The following CSMD1 variants were observed in gnomAD, a reference collection of about 807,000 sequenced individuals.
The protein encoded by CSMD1 is CUB and Sushi multiple domains 1.
A neutral mutation model predicts 417.5 loss-of-function variants in CSMD1; 213 were observed. The ratio of observed to expected loss-of-function variants is 0.51; its 90% CI spans 0.46 to 0.57. CSMD1 has a LOEUF of 0.57. CSMD1 is among the 20% of genes least tolerant of loss of function. The probability of loss-of-function intolerance (pLI) is 0.00; values close to 1 mark genes in which losing one functional copy is unlikely to be tolerated. For missense variants in CSMD1, 6,923 were observed against 4,529.7 expected, an observed-to-expected ratio of 1.53 and a Z score of -15.17; for synonymous variants, 2,862 against 1,736.8, an observed-to-expected ratio of 1.65 and a Z score of -16.11.
intron 52 of CSMD1, among the ~76,000 whole-genome samples, chr8:3,007,777 G>T (rs1006893825): frequency 8.0e-6 from 1 of 124,906 alleles, no homozygotes; most frequent in Non-Finnish European, 1.6e-5. Flanking sequence ...GCTGTGGGGT[G>T]GGGGGAGGGG....
chr8:4,037,872 T>C (rs997115275), intron 3 of CSMD1, among the ~76,000 whole-genome samples: 1 of 152,094 alleles, frequency 6.6e-6, no homozygotes, highest in African/African-American at 2.4e-5. Flanking sequence ...CTCGTATACA[T>C]ACGTACAATA....
intron 2 of CSMD1, among the ~76,000 whole-genome samples, chr8:4,633,987 A>G (rs1220141430): frequency 7.2e-6 from 1 of 138,722 alleles, no homozygotes; most frequent in African/African-American, 2.9e-5. Context: ...CAACCACCTG[A>G]CAGGTCATTA....
intron 2 of CSMD1, among the ~76,000 whole-genome samples, chr8:4,560,596 C>G (rs530474302): frequency 6.6e-6 from 1 of 152,218 alleles, no homozygotes; most frequent in East Asian, 1.9e-4. Context: ...ATGGCAGAGC[C>G]TCCCTGAAAG....
At chr8:4,800,111 CT>C (rs1314989207) in intron 1 of CSMD1, among the ~76,000 whole-genome samples, 1 of 152,008 alleles carries the variant, frequency 6.6e-6, no homozygotes, top group Non-Finnish European at 1.5e-5. Context: ...AAAGCGTATC[CT>C]TTTTGTTTCC....
chr8:4,162,346 G>T (rs373942819), intron 3 of CSMD1, among the ~76,000 whole-genome samples: 85 of 152,218 alleles, frequency 5.6e-4, no homozygotes, highest in African/African-American at 1.9e-3. Context: ...AAAAGTGCTT[G>T]TTTTTAGGTA....
At chr8:4,844,640 G>A (rs1308010766) in intron 1 of CSMD1, among the ~76,000 whole-genome samples, 2 of 152,040 alleles carry the variant, frequency 1.3e-5, no homozygotes, top group Middle Eastern at 3.4e-3. Flanking sequence ...AACAATCCAT[G>A]CAAAAAATAT....
At position 3,199,591 on chromosome 8, in the gene CSMD1, C is replaced by T. The variant is rs190010045; in HGVS notation, c.5194+123G>A. 522 of 436,044 alleles carry T rather than the reference C, an allele frequency of 1.2e-3. 3 individuals are homozygous for T. Among genetic ancestry groups the T allele is most frequent in the African/African-American group, 9.3e-3 (463 of 49,540 alleles). The allele number at this position is 436,044 out of a possible 1,614,324, so 27.0% of individuals were successfully genotyped here. ...TTTATTATAAACATATGAACACCTT[C>T]AGCTCCTTAAATATTACAAAAATGC... On this transcript the variant is annotated intron_variant, in intron 33 of 69. Coordinates refer to ENST00000635120, the MANE Select transcript of CSMD1 (RefSeq NM_033225.6).
intron 1 of CSMD1, among the ~76,000 whole-genome samples, chr8:4,825,245 T>G (rs778536973): frequency 6.6e-6 from 1 of 152,218 alleles, no homozygotes; most frequent in East Asian, 1.9e-4. Context: ...TTGGAGGCAT[T>G]TGAAATATGC....
intron 3 of CSMD1, among the ~76,000 whole-genome samples, chr8:4,260,976 C>G (rs886609605): frequency 1.1e-4 from 17 of 152,100 alleles, no homozygotes; most frequent in African/African-American, 4.1e-4. Context: ...TGACTTGCCT[C>G]TTTTGTAAAC....
At chr8:4,453,802 C>T (rs7831923) in intron 2 of CSMD1, among the ~76,000 whole-genome samples, 137,576 of 139,630 alleles carry the variant, frequency 0.99, 67,783 homozygotes, top group East Asian at 1. Context: ...AACAAGATTG[C>T]GCAATTCGTT....
intron 2 of CSMD1, among the ~76,000 whole-genome samples, chr8:4,444,235 G>A (rs1033191916): frequency 3.3e-5 from 5 of 151,186 alleles, no homozygotes; most frequent in Admixed American, 6.6e-5. Context: ...CCAACTACTC[G>A]GGAGGCTGAG....
intron 6 of CSMD1, among the ~76,000 whole-genome samples, chr8:3,750,985 T>C (rs1797309163): frequency 6.6e-6 from 1 of 152,150 alleles, no homozygotes; most frequent in Admixed American, 6.5e-5. Flanking sequence ...GGTCTTGTCA[T>C]CTTCCTCTCT....
Position 4,016,525 on chromosome 8 carries a change from C to A in CSMD1, c.610+15380G>T, listed in dbSNP as rs551221189. 9.2e-5 allele frequency among the ~76,000 whole-genome samples: 14 copies of A among 152,228 alleles called. No homozygotes were observed. In the South Asian group the frequency reaches 1.7e-3, roughly 18 times the overall value. ...GAGGTCCAAGGTTTTAGTGAAGGAT[C>A]TGGGGCTATGAGAAGGAAAGAGGAG... On this transcript the variant is annotated intron_variant, in intron 4 of 69. Coordinates refer to ENST00000635120, the MANE Select transcript of CSMD1 (RefSeq NM_033225.6).
At chr8:3,384,209 A>G (rs989642160) in intron 18 of CSMD1, among the ~76,000 whole-genome samples, 68 of 152,284 alleles carry the variant, frequency 4.5e-4, no homozygotes, top group African/African-American at 1.5e-3. Context: ...CATCTTTAAA[A>G]AATGGTTGTC....
intron 3 of CSMD1, among the ~76,000 whole-genome samples, chr8:4,082,959 G>A (rs13279426): frequency 0.093 from 14,093 of 151,654 alleles, 751 homozygotes; most frequent in Middle Eastern, 0.12. Flanking sequence ...ATTTTTTATG[G>A]CTGAATAGGA....
intron 49 of CSMD1, among the ~76,000 whole-genome samples, chr8:3,054,099 G>A (rs947304871): frequency 3.3e-5 from 5 of 152,122 alleles, no homozygotes; most frequent in Non-Finnish European, 7.3e-5. Context: ...TCCCAAACGA[G>A]ACTATTCTCT....
intron 3 of CSMD1, among the ~76,000 whole-genome samples, chr8:4,194,121 G>C (rs1018341207): frequency 6.6e-6 from 1 of 152,082 alleles, no homozygotes; most frequent in East Asian, 1.9e-4. Flanking sequence ...GTTCAACAAA[G>C]AATGCAGAAT....
intron 2 of CSMD1, among the ~76,000 whole-genome samples, chr8:4,464,970 C>T (rs1800072583): frequency 6.6e-6 from 1 of 152,088 alleles, no homozygotes; most frequent in Non-Finnish European, 1.5e-5. Context: ...CTCATGATGC[C>T]ACCAGAATGA....
intron 3 of CSMD1, among the ~76,000 whole-genome samples, chr8:4,086,523 A>C (rs188836531): frequency 2.0e-4 from 30 of 152,264 alleles, no homozygotes; most frequent in African/African-American, 6.5e-4. Flanking sequence ...TGACTGGTCA[A>C]CTCCCAATTT....
Sources: gnomAD v4.1 joint callset for allele counts (sites outside exome capture counted in the v4.1 genomes callset) on GRCh38, gnomAD v4.1.1 for gene constraint, MANE v1.5 for transcripts, NCBI Gene and HGNC (gene_info 2026-07-23, HGNC 2026-07-21) for gene names.